BAZ2B: variants seen among roughly 807,000 people sequenced by gnomAD.
BAZ2B encodes the protein bromodomain adjacent to zinc finger domain protein 2B.
Under a neutral mutation model 246.0 loss-of-function variants are expected in BAZ2B, and 91 were observed. That is an observed-to-expected ratio of 0.37 (90% CI 0.31 to 0.44). The LOEUF (loss-of-function observed/expected upper bound fraction) is 0.44. Among genes scored for constraint, BAZ2B ranks in the 20% least tolerant of loss-of-function variants. The pLI, the probability that BAZ2B is intolerant of heterozygous loss-of-function variation, is 1.00. For synonymous variants in BAZ2B, 855 were observed against 860.0 expected, an observed-to-expected ratio of 0.99 and a Z score of 0.10; for missense variants, 2,332 against 2,533.7, an observed-to-expected ratio of 0.92 and a Z score of 1.71.
chr2:159,584,833 T>C (rs1578642949), intron 1 of BAZ2B, among the ~76,000 whole-genome samples: 1 of 152,164 alleles, frequency 6.6e-6, no homozygotes, highest in Admixed American at 6.5e-5. Flanking sequence ...ATACCCTTGG[T>C]ATTGTTGTTG....
chr2:159,451,797 C>A (rs2075132690), intron 4 of BAZ2B, among the ~76,000 whole-genome samples: 1 of 151,932 alleles, frequency 6.6e-6, no homozygotes, highest in South Asian at 2.1e-4. Context: ...TTATTGAACT[C>A]CAGATGAGTA....
chr2:159,467,090 A>G (rs577794282), intron 3 of BAZ2B, among the ~76,000 whole-genome samples: 2 of 152,304 alleles, frequency 1.3e-5, no homozygotes, highest in African/African-American at 4.8e-5. Flanking sequence ...CGTATTTGAA[A>G]TTCTGAGTTG....
At chr2:159,404,253 C>T (rs2149791705) in intron 16 of BAZ2B, 1 of 152,142 alleles carries the variant, frequency 6.6e-6, no homozygotes, top group Admixed American at 6.5e-5. Context: ...TTAATTTTTA[C>T]CTATGAAAAT....
chr2:159,333,862 T>C (rs898157661), intron 33 of BAZ2B, among the ~76,000 whole-genome samples: 5 of 152,138 alleles, frequency 3.3e-5, no homozygotes, highest in African/African-American at 9.6e-5. Context: ...CAAATGTATA[T>C]ACTATATATT....
intron 3 of BAZ2B, among the ~76,000 whole-genome samples, chr2:159,467,954 G>T (rs1205293752): frequency 2.0e-5 from 3 of 152,206 alleles, no homozygotes; most frequent in Non-Finnish European, 4.4e-5. Flanking sequence ...CAAGAGGTCA[G>T]AATTCAGAGC....
chr2:159,611,253 T>G (rs1694662007), intron 1 of BAZ2B, among the ~76,000 whole-genome samples: 1 of 151,884 alleles, frequency 6.6e-6, no homozygotes, highest in Non-Finnish European at 1.5e-5. Context: ...AAAGATAAAC[T>G]AAGCATCAGG....
At chr2:159,352,765 C>A (rs2058695288) in intron 27 of BAZ2B, among the ~76,000 whole-genome samples, 1 of 152,318 alleles carries the variant, frequency 6.6e-6, no homozygotes, top group East Asian at 1.9e-4. Context: ...GGATTACAGG[C>A]ATGAGCCACT....
chr2:159,499,967 T>C (rs2081542581), intron 2 of BAZ2B, among the ~76,000 whole-genome samples: 1 of 152,224 alleles, frequency 6.6e-6, no homozygotes, highest in African/African-American at 2.4e-5. Context: ...TTTTGTAGGC[T>C]GTCTGTTCAC....
chr2:159,462,640 C>G (rs1186810851), intron 3 of BAZ2B: 1 of 966,718 alleles, frequency 1.0e-6, no homozygotes, highest in East Asian at 2.4e-5. Flanking sequence ...GACTAACCAA[C>G]TGAACACTGC....
At chr2:159,470,876 T>C (rs1448471223) in intron 3 of BAZ2B, among the ~76,000 whole-genome samples, 1 of 152,160 alleles carries the variant, frequency 6.6e-6, no homozygotes, top group Non-Finnish European at 1.5e-5. Flanking sequence ...AAAACCTCTA[T>C]GTAAAATGTA....
intron 2 of BAZ2B, among the ~76,000 whole-genome samples, chr2:159,493,750 G>A (rs931720173): frequency 1.3e-5 from 2 of 152,110 alleles, no homozygotes; most frequent in Admixed American, 6.5e-5. Flanking sequence ...CTTCTCAAAT[G>A]TTTCCACTGA....
At chr2:159,660,877 C>A in the BAZ2B span, among the ~76,000 whole-genome samples, 1 of 151,998 alleles carries the variant, frequency 6.6e-6, no homozygotes, top group East Asian at 1.9e-4. Flanking sequence ...GGATTACAGG[C>A]ATGAGCCACT....
At chr2:159,676,990 ATATATT>A in the BAZ2B span, among the ~76,000 whole-genome samples, 2 of 121,770 alleles carry the variant, frequency 1.6e-5, no homozygotes, top group African/African-American at 5.7e-5. Flanking sequence ...ATATATATAT[ATATATT>A]ACAATTTTTA....
the BAZ2B span, among the ~76,000 whole-genome samples, chr2:159,629,251 T>C: frequency 6.6e-6 from 1 of 152,200 alleles, no homozygotes; most frequent in African/African-American, 2.4e-5. Context: ...TCAACCATTG[T>C]GGAAGACAGT....
intron 13 of BAZ2B, among the ~76,000 whole-genome samples, chr2:159,414,048 T>C (rs1284510010): frequency 6.6e-6 from 1 of 152,184 alleles, no homozygotes; most frequent in Non-Finnish European, 1.5e-5. Context: ...GTGGTAAACA[T>C]ACACTACACA....
chr2:159,645,243 G>C, the BAZ2B span, among the ~76,000 whole-genome samples: 1 of 151,844 alleles, frequency 6.6e-6, no homozygotes, highest in Admixed American at 6.6e-5. Context: ...TTGTACTCCA[G>C]GCTGGGCGAC....
At chr2:159,689,075 G>T in the BAZ2B span, 1 of 231,804 alleles carries the variant, frequency 4.3e-6, no homozygotes, top group South Asian at 5.1e-5. Flanking sequence ...ACAAAATACC[G>T]TAAAATCCAT....
chr2:159,445,254 T>A (rs2074063760), intron 6 of BAZ2B, among the ~76,000 whole-genome samples: 2 of 152,088 alleles, frequency 1.3e-5, no homozygotes, highest in Admixed American at 1.3e-4. Flanking sequence ...ATTAACAATC[T>A]GAACAGGAAA....
At chr2:159,416,992 C>T (rs2067838067) in intron 13 of BAZ2B, among the ~76,000 whole-genome samples, 2 of 152,012 alleles carry the variant, frequency 1.3e-5, no homozygotes, top group African/African-American at 4.8e-5. Flanking sequence ...ATTCACATGC[C>T]ATTGGCTTTT....
Sources: allele counts gnomAD v4.1 joint callset (sites outside exome capture counted in the v4.1 genomes callset), GRCh38; gene constraint gnomAD v4.1.1; transcripts MANE v1.5; gene names NCBI Gene and HGNC (gene_info 2026-07-23, HGNC 2026-07-21).